Variants in PLCL1 observed in about 807,000 individuals in gnomAD.
PLCL1 encodes the protein inactive phospholipase C-like protein 1.
Under a neutral mutation model 84.4 loss-of-function variants are expected in PLCL1, and 41 were observed. The observed-to-expected ratio is 0.49, with a 90% CI of 0.38 to 0.63. The LOEUF (loss-of-function observed/expected upper bound fraction) is 0.63, where lower values mean the gene tolerates loss of function less well. PLCL1 is among the 30% of genes least tolerant of loss of function. The probability of loss-of-function intolerance (pLI) is 0.00; values close to 1 mark genes in which losing one functional copy is unlikely to be tolerated. For synonymous variants in PLCL1, 490 were observed against 488.3 expected (o/e 1.00, Z -0.05); for missense variants, 1,206 against 1,367.8 (o/e 0.88, Z 1.87).
intron 1 of PLCL1, among the ~76,000 whole-genome samples, chr2:197,983,407 A>T (rs1198023732): frequency 1.3e-5 from 2 of 149,292 alleles, no homozygotes; most frequent in African/African-American, 4.9e-5. Context: ...TTTTTAAAAA[A>T]CTTTTTGTAG....
At chr2:197,938,531 C>A (rs1220932773) in intron 1 of PLCL1, among the ~76,000 whole-genome samples, 1 of 152,132 alleles carries the variant, frequency 6.6e-6, no homozygotes, top group Non-Finnish European at 1.5e-5. Context: ...GGCAAGGGGT[C>A]TTTAGCTTTT....
intron 1 of PLCL1, among the ~76,000 whole-genome samples, chr2:197,865,648 C>A (rs752755986): frequency 6.6e-6 from 1 of 151,956 alleles, no homozygotes; most frequent in Non-Finnish European, 1.5e-5. Context: ...CTAATTAGCA[C>A]GTTAAGTTAG....
At chr2:198,074,202 G>C (rs1692526583) in intron 1 of PLCL1, among the ~76,000 whole-genome samples, 2 of 152,120 alleles carry the variant, frequency 1.3e-5, no homozygotes, top group Non-Finnish European at 2.9e-5. Flanking sequence ...CCTGGAAATT[G>C]ACTATTTTTC....
chr2:197,961,470 T>G (rs138606578), intron 1 of PLCL1, among the ~76,000 whole-genome samples: 80 of 152,150 alleles, frequency 5.3e-4, no homozygotes, highest in African/African-American at 1.9e-3. Flanking sequence ...TTAAATCTAC[T>G]TAAGAGTTTA....
intron 1 of PLCL1, among the ~76,000 whole-genome samples, chr2:198,045,242 A>G (rs900638958): frequency 2.0e-5 from 3 of 152,132 alleles, no homozygotes; most frequent in African/African-American, 7.2e-5. Flanking sequence ...TTCTCTTAAC[A>G]TTTGTATATA....
At chr2:198,037,902 A>G (rs1691583001) in intron 1 of PLCL1, among the ~76,000 whole-genome samples, 1 of 152,168 alleles carries the variant, frequency 6.6e-6, no homozygotes, top group Non-Finnish European at 1.5e-5. Flanking sequence ...AAAATATAAA[A>G]AAGAATTTCT....
intron 1 of PLCL1, among the ~76,000 whole-genome samples, chr2:198,076,854 T>C (rs9973400): frequency 0.53 from 80,527 of 152,068 alleles, 22,003 homozygotes; most frequent in Middle Eastern, 0.66. Flanking sequence ...ATCCCATCTC[T>C]CCCACCATCT....
chr2:197,947,805 G>T (rs547887805), intron 1 of PLCL1, among the ~76,000 whole-genome samples: 1 of 152,260 alleles, frequency 6.6e-6, no homozygotes, highest in Admixed American at 6.5e-5. Flanking sequence ...TCATTAATCT[G>T]GGTGGCACTT....
rs370952879 is a variant in PLCL1 at position 197,956,144 on chromosome 2, A to G, written c.241-127614A>G. Among the ~76,000 whole-genome samples, 136 of 152,292 alleles carry G rather than the reference A, an allele frequency of 8.9e-4. No individual in the cohort carries two copies. In the Middle Eastern group the frequency reaches 0.017, roughly 19 times the overall value. On this transcript the variant is annotated intron_variant, in intron 1 of 5. Transcript: ENST00000428675. ...CTTCATCCATGTCCCTGCAAAGGAC[A>G]TGAACTCATTCTTTTTTATGGCTGC...
chr2:198,091,420 T>G (rs1168154122), intron 3 of PLCL1, among the ~76,000 whole-genome samples: 1 of 152,066 alleles, frequency 6.6e-6, no homozygotes, highest in East Asian at 1.9e-4. Context: ...TGGATTACAC[T>G]TGCAATCCCA....
chr2:198,012,589 T>C (rs1447906088), intron 1 of PLCL1, among the ~76,000 whole-genome samples: 1 of 152,022 alleles, frequency 6.6e-6, no homozygotes, highest in African/African-American at 2.4e-5. Flanking sequence ...AAGGACTTAC[T>C]ATTGCTATTT....
chr2:198,030,149 C>G (rs540324099), intron 1 of PLCL1, among the ~76,000 whole-genome samples: 2 of 151,908 alleles, frequency 1.3e-5, no homozygotes, highest in South Asian at 2.1e-4. Flanking sequence ...CTGACTTTTT[C>G]CCTCCTCCCA....
At chr2:198,065,807 C>T (rs1692309371) in intron 1 of PLCL1, among the ~76,000 whole-genome samples, 1 of 152,036 alleles carries the variant, frequency 6.6e-6, no homozygotes, top group Non-Finnish European at 1.5e-5. Context: ...TTTTAATTTG[C>T]CTTTTGCCAG....
chr2:197,956,584 T>C (rs1441906269), intron 1 of PLCL1, among the ~76,000 whole-genome samples: 1 of 152,218 alleles, frequency 6.6e-6, no homozygotes, highest in Non-Finnish European at 1.5e-5. Flanking sequence ...CAGCATCTGC[T>C]GTTTCCTGAC....
At chr2:198,136,672 A>C (rs1001576952) in intron 5 of PLCL1, among the ~76,000 whole-genome samples, 14 of 152,058 alleles carry the variant, frequency 9.2e-5, no homozygotes, top group Admixed American at 2.0e-4. Flanking sequence ...GCAAGGAGAA[A>C]TCAGTACAGG....
At chr2:198,104,691 T>G (rs1321818226) in intron 5 of PLCL1, among the ~76,000 whole-genome samples, 1 of 152,050 alleles carries the variant, frequency 6.6e-6, no homozygotes, top group Non-Finnish European at 1.5e-5. Context: ...TCCACAACCT[T>G]GCCAGCATGT....
intron 1 of PLCL1, among the ~76,000 whole-genome samples, chr2:197,847,394 T>C (rs1042519000): frequency 6.6e-6 from 1 of 152,178 alleles, no homozygotes; most frequent in East Asian, 1.9e-4. Context: ...TAACAGTTTC[T>C]AGTGGGTCTT....
chr2:197,971,475 A>G (rs973230565), intron 1 of PLCL1, among the ~76,000 whole-genome samples: 11 of 152,250 alleles, frequency 7.2e-5, no homozygotes, highest in African/African-American at 2.4e-4. Context: ...AAAGTGTACG[A>G]ACCCAGAAGG....
chr2:197,988,249 A>G (rs1329872008), intron 1 of PLCL1, among the ~76,000 whole-genome samples: 2 of 152,184 alleles, frequency 1.3e-5, no homozygotes, highest in Non-Finnish European at 2.9e-5. Flanking sequence ...TTTTATTTCA[A>G]TGGCTTTTGA....
Sources: allele counts gnomAD v4.1 joint callset (sites outside exome capture counted in the v4.1 genomes callset), GRCh38; gene constraint gnomAD v4.1.1; transcripts MANE v1.5; gene names NCBI Gene and HGNC (gene_info 2026-07-23, HGNC 2026-07-21).